The following FAM91A1 variants were observed in gnomAD, a reference collection of about 807,000 sequenced individuals.
FAM91A1 encodes the protein protein FAM91A1.
Under a neutral mutation model 113.5 loss-of-function variants are expected in FAM91A1, and 41 were observed. The observed-to-expected ratio is 0.36, with a 90% confidence interval of 0.28 to 0.47. FAM91A1 has a LOEUF of 0.47. Among genes scored for constraint, FAM91A1 ranks in the 20% least tolerant of loss-of-function variants. FAM91A1 has a pLI of 1.00. For missense variants in FAM91A1, 696 were observed against 1,001.2 expected, an observed-to-expected ratio of 0.70 and a Z score of 4.11; for synonymous variants, 307 against 347.9, an observed-to-expected ratio of 0.88 and a Z score of 1.31.
chr8:123,773,872 A>T (rs972446988), intron 1 of FAM91A1, among the ~76,000 whole-genome samples: 1 of 152,234 alleles, frequency 6.6e-6, no homozygotes, highest in Non-Finnish European at 1.5e-5. Flanking sequence ...TTAGAAAGGC[A>T]GACTGAAAAT....
chr8:123,780,768 A>G (rs898090768), intron 8 of FAM91A1, among the ~76,000 whole-genome samples: 3 of 152,166 alleles, frequency 2.0e-5, no homozygotes, highest in African/African-American at 7.2e-5. Flanking sequence ...GTAAATTTCT[A>G]ACAATCCCAA....
In FAM91A1 at chr8:123,778,060, A is replaced by T. The variant is rs1233842228; in HGVS notation, c.403A>T (p.Ile135Phe). 6.2e-7 allele frequency: 1 copy of T among 1,612,652 alleles called. No individual in the cohort carries two copies. The highest frequency in any genetic ancestry group is 8.5e-7 in the Non-Finnish European group (1 of 1,179,382). Reference sequence around the variant, plus strand: ...TCTTGGCATAGGAAGAAACCAGTATATTGATCTTATGAATCAGTGTAGATC... The same window carrying T: ...TCTTGGCATAGGAAGAAACCAGTATTTTGATCTTATGAATCAGTGTAGATC... ...RLLGIGRNQY[I>F]DLMNQCRSSK... Residue 135 changes from isoleucine to phenylalanine, a missense_variant, in exon 5 of 24, where the codon ATT (isoleucine) becomes TTT (phenylalanine). Physicochemically the swap from Ile to Phe is conservative, Grantham distance 21 (BLOSUM62 0). Coordinates refer to ENST00000334705, the MANE Select transcript of FAM91A1 (RefSeq NM_144963.4).
At chr8:123,775,092 A>T (rs762662910) in intron 2 of FAM91A1, 55 bp from the exon 3 acceptor site, 180 of 1,471,406 alleles carry the variant, frequency 1.2e-4, no homozygotes, top group Non-Finnish European at 1.6e-4. Context: ...TTCATAGTTA[A>T]TATATAACTA....
At chr8:123,793,340 G>A (rs1815431457) in intron 15 of FAM91A1, among the ~76,000 whole-genome samples, 1 of 152,110 alleles carries the variant, frequency 6.6e-6, no homozygotes, top group African/African-American at 2.4e-5. Context: ...ATCCATTGGT[G>A]GTTCTTGCCT....
rs774631492 is a variant in FAM91A1, at chr8:123,808,363, A to C, written c.2124A>C (p.Thr708=). The C allele has an allele frequency of 5.6e-6, 9 of 1,613,172 alleles. No homozygotes were observed. The highest frequency in any genetic ancestry group is 1.3e-5 in the African/African-American group (1 of 74,890). ...VIEEATIDSA[T]KQTSGATTEA... ...AGGAAGCAACTATAGATTCAGCAAC[A>C]AAGCAAACCTCTGGTATGGTGCTAA... The change falls in exon 21 of 24, where the codon ACA becomes ACC. Residue 708 remains threonine, a synonymous_variant. Transcript: ENST00000334705.
intron 8 of FAM91A1, 132 bp downstream of exon 8, chr8:123,780,674 C>G: frequency 3.1e-6 from 2 of 649,906 alleles, no homozygotes; most frequent in South Asian, 4.9e-5. Context: ...TACATTTTAA[C>G]ATAGTACATT....
At chr8:123,789,333 C>G (rs1815328616) in intron 14 of FAM91A1, among the ~76,000 whole-genome samples, 1 of 152,172 alleles carries the variant, frequency 6.6e-6, no homozygotes, top group Non-Finnish European at 1.5e-5. Context: ...TTTAAGCACT[C>G]TATTTGAATC....
chr8:123,788,779 TCTG>T (rs1464515842), intron 14 of FAM91A1, among the ~76,000 whole-genome samples: 19 of 152,314 alleles, frequency 1.2e-4, no homozygotes, highest in Non-Finnish European at 2.6e-4. Context: ...CAAGTTGACT[TCTG>T]CTCTTTTACT....
intron 1 of FAM91A1, among the ~76,000 whole-genome samples, chr8:123,772,285 C>T (rs1814866779): frequency 6.6e-6 from 1 of 152,172 alleles, no homozygotes; most frequent in Admixed American, 6.5e-5. Context: ...AGAGCAAAAC[C>T]TCAAGCTAGA....
intron 2 of FAM91A1, among the ~76,000 whole-genome samples, 181 bp from the exon 3 acceptor site, chr8:123,774,966 C>T (rs747606346): frequency 3.3e-5 from 5 of 152,178 alleles, no homozygotes; most frequent in Admixed American, 6.5e-5. Context: ...CATTTTACTT[C>T]TATACTCTAA....
chr8:123,810,059 G>A (rs558974768), intron 22 of FAM91A1, among the ~76,000 whole-genome samples: 5 of 152,160 alleles, frequency 3.3e-5, no homozygotes, highest in Admixed American at 1.3e-4. Context: ...TTAGTTACAC[G>A]ATGTATTTTA....
intron 18 of FAM91A1, among the ~76,000 whole-genome samples, chr8:123,801,424 T>G (rs776975385): frequency 2.6e-5 from 4 of 152,216 alleles, no homozygotes; most frequent in Non-Finnish European, 5.9e-5. Context: ...GAGAATGAAA[T>G]GAAAATGTAC....
intron 11 of FAM91A1, chr8:123,786,038 C>T (rs183206803): frequency 1.9e-4 from 76 of 408,668 alleles, no homozygotes; most frequent in African/African-American, 1.5e-3. Context: ...AGGCTGGTGT[C>T]GAACTCCTGG....
chr8:123,791,022 C>T (rs527868640), intron 15 of FAM91A1, among the ~76,000 whole-genome samples: 3 of 152,126 alleles, frequency 2.0e-5, no homozygotes, highest in Non-Finnish European at 2.9e-5. Flanking sequence ...CCTGGAATTT[C>T]TGGGACTTTT....
chr8:123,814,898 A>G lies in FAM91A1; in HGVS notation c.*2194A>G, dbSNP rs1267799136. On this transcript the variant is annotated 3_prime_UTR_variant, in exon 24 of 24. Coordinates refer to ENST00000334705, the MANE Select transcript of FAM91A1 (RefSeq NM_144963.4). ...CTTTGTTATTTGCCAAAGAAGATTC[A>G]TGAAAAATTTACGTCCAATTATTTT... 1 of 152,642 alleles carries G rather than the reference A, an allele frequency of 6.6e-6. No homozygotes were observed. The highest frequency in any genetic ancestry group is 2.1e-4 in the South Asian group (1 of 4,830). 9.5% of individuals were successfully genotyped at this position (152,642 alleles called of 1,614,324 possible).
intron 5 of FAM91A1, 78 bp downstream of exon 5, chr8:123,778,170 G>A (rs753001299): frequency 1.3e-4 from 139 of 1,062,486 alleles, no homozygotes; most frequent in Non-Finnish European, 1.9e-4. Context: ...TAGAAATAAT[G>A]AATTGTATGT....
chr8:123,788,469 T>G (rs561525556), intron 14 of FAM91A1, among the ~76,000 whole-genome samples: 1 of 151,428 alleles, frequency 6.6e-6, no homozygotes, highest in African/African-American at 2.5e-5. Flanking sequence ...GCAACTCCTT[T>G]ATATCTTAAA....
At chr8:123,785,840 C>CTTTGTCTCAAT in intron 11 of FAM91A1, 99 bp downstream of exon 11, 3 of 705,106 alleles carry the variant, frequency 4.3e-6, no homozygotes, top group Non-Finnish European at 6.6e-6. Context: ...TTTATTGAGA[C>CTTTGTCTCAAT]AAAGTCTCTC....
chr8:123,773,180 A>G (rs779427735), intron 1 of FAM91A1, among the ~76,000 whole-genome samples: 4 of 152,132 alleles, frequency 2.6e-5, no homozygotes, highest in Non-Finnish European at 4.4e-5. Flanking sequence ...CTTAGATGTG[A>G]GTTTCATCTG....
Sources: gnomAD v4.1 joint callset for allele counts (sites outside exome capture counted in the v4.1 genomes callset) on GRCh38, gnomAD v4.1.1 for gene constraint, MANE v1.5 for transcripts, NCBI Gene and HGNC (gene_info 2026-07-23, HGNC 2026-07-21) for gene names.